The following PLCB2 variants were observed in gnomAD, a reference collection of about 807,000 sequenced individuals.
PLCB2 encodes 1-phosphatidylinositol 4,5-bisphosphate phosphodiesterase beta-2.
In PLCB2, 115 loss-of-function variants were observed where a neutral mutation model predicts 141.7. The ratio of observed to expected loss-of-function variants is 0.81; its 90% CI spans 0.70 to 0.95. PLCB2 has a LOEUF of 0.95. Among genes scored for constraint, PLCB2 ranks in the 40% least tolerant of loss-of-function variants. The pLI is 0.00. For synonymous variants in PLCB2, 603 were observed against 595.6 expected, an observed-to-expected ratio of 1.01 and a Z score of -0.18; for missense variants, 1,403 against 1,541.1, an observed-to-expected ratio of 0.91 and a Z score of 1.50.
chr15:40,303,110 C>T (rs529255444), intron 3 of PLCB2, among the ~76,000 whole-genome samples, 178 bp downstream of exon 3: 211 of 152,330 alleles, frequency 1.4e-3, no homozygotes, highest in African/African-American at 4.6e-3. Flanking sequence ...AGAGCCCAGG[C>T]GAGCCCAGGA....
At chr15:40,296,420 G>T (rs751436647) in intron 15 of PLCB2, 28 bp from the exon 16 acceptor site, 1 of 1,613,698 alleles carries the variant, frequency 6.2e-7, no homozygotes, top group Non-Finnish European at 8.5e-7. Flanking sequence ...GGGCAAAGAA[G>T]AGGAGGATGG....
Position 40,291,397 on chromosome 15 carries a change from T to G in PLCB2, c.2738A>C (p.Glu913Ala), listed in dbSNP as rs2039912580. ...CTCCCAGCGCCGCGCTCCGCGCCGC[T>G]CCAACTCTCGCAGCTCCTTCTCGTG... ...RRHEKELREL[E>A]RRGARRWEEL... Residue 913 changes from glutamate to alanine, a missense_variant, in exon 26 of 32, where the codon GAG becomes GCG. This residue lies in a region of PLCB2 where 290 missense variants were observed against 245.9 expected (regional missense o/e 1.18). Coordinates refer to ENST00000260402, the MANE Select transcript of PLCB2 (RefSeq NM_004573.3). 2.0e-6 allele frequency: 3 copies of G among 1,535,556 alleles called. No homozygotes were observed. The highest frequency in any genetic ancestry group is 2.0e-5 in the Admixed American group (1 of 51,008).
downstream of PLCB2, chr15:40,286,124 C>T: frequency 2.6e-6 from 2 of 780,526 alleles, no homozygotes; most frequent in Non-Finnish European, 3.1e-6. Context: ...GACTTTGCTG[C>T]AGAGCACAGA....
intron 1 of PLCB2, 110 bp downstream of exon 1, chr15:40,307,479 C>T (rs919602386): frequency 2.1e-5 from 13 of 611,396 alleles, no homozygotes; most frequent in South Asian, 7.3e-5. Context: ...ACCACACAGG[C>T]GCCTGGATCC....
chr15:40,298,124 T>C (rs377172020), intron 11 of PLCB2, 99 bp downstream of exon 11: 19 of 1,353,686 alleles, frequency 1.4e-5, no homozygotes, highest in East Asian at 1.2e-4. Flanking sequence ...CTTCCAGCCA[T>C]TCATCTTCTC....
chr15:40,287,636 G>A (rs956224687), downstream of PLCB2, among the ~76,000 whole-genome samples: 3 of 152,158 alleles, frequency 2.0e-5, no homozygotes, highest in African/African-American at 4.8e-5. Context: ...CTCCAACCCC[G>A]AGAGTGGAGA....
chr15:40,292,215 C>G, intron 22 of PLCB2, 57 bp from the exon 23 acceptor site: 2 of 1,539,840 alleles, frequency 1.3e-6, no homozygotes, highest in Non-Finnish European at 1.8e-6. Flanking sequence ...GGCTGGAAGT[C>G]TCCCCTGTCC....
rs1212133092 is a variant in PLCB2, at chr15:40,298,862, T to C, written c.786A>G (p.Ala262=). 1.2e-6 allele frequency: 2 copies of C among 1,613,518 alleles called. No individual in the cohort carries two copies. The highest frequency in any genetic ancestry group is 1.7e-5 in the Admixed American group (1 of 60,032). Reference sequence around the variant, plus strand: ...TGAGGCCCTGCACCTGGTCAGGCCGTGCTGGCGGGAACAGCAGGGAGTTAA... The same window carrying C: ...TGAGGCCCTGCACCTGGTCAGGCCGCGCTGGCGGGAACAGCAGGGAGTTAA... ...SRLNSLLFPP[A]RPDQVQGLID... Residue 262 remains alanine (A), a synonymous_variant, in exon 9 of 32, where the codon GCA becomes GCG. Transcript: ENST00000260402.
Position 40,288,422 on chromosome 15 carries a change from C to T in PLCB2, c.*293G>A. 2 of 1,146,268 alleles carry T rather than the reference C, an allele frequency of 1.7e-6. No individual in the cohort carries two copies. Among genetic ancestry groups the T allele is most frequent in the Non-Finnish European group, 2.1e-6 (2 of 932,302 alleles). The allele number at this position is 1,146,268 out of a possible 1,614,324, so 71.0% of individuals were successfully genotyped here. On this transcript the variant is annotated 3_prime_UTR_variant, in exon 32 of 32. Transcript: ENST00000260402. ...GGCCAGGATCCCACTTTCTGCCTTC[C>T]AGTCCATAGTCTTTTGCCCTCAACA...
Position 40,296,749 on chromosome 15 carries a change from T to C in PLCB2, c.1483A>G (p.Thr495Ala), listed in dbSNP as rs2040243256. Reference sequence around the variant, plus strand: ...ACCATAGTCCTCCCCGACTCACCTGTGCCCTCACCTGCAGGGGCACTGGGT... The same window carrying C: ...ACCATAGTCCTCCCCGACTCACCTGCGCCCTCACCTGCAGGGGCACTGGGT... ...SPPSAPAGEG[T>A]VWAGEEGTEL... is the part of the protein sequence containing the mutation. The change falls in exon 14 of 32, where the codon ACA (threonine) becomes GCA (alanine). Residue 495 changes from threonine (T) to alanine (A), a missense_variant. Thr to Ala is a moderately conservative substitution (Grantham distance 58). Around this residue, in one of 4 missense-constraint regions of PLCB2, gnomAD observed 975 missense variants for 1,141.1 expected, o/e 0.85. Transcript: ENST00000260402. 1 of 1,613,074 alleles carries C rather than the reference T, an allele frequency of 6.2e-7. No individual in the cohort carries two copies. Among genetic ancestry groups the C allele is most frequent in the African/African-American group, 1.3e-5 (1 of 75,016 alleles).
At chr15:40,291,684 C>G (rs755169458) in intron 24 of PLCB2, 34 bp from the exon 25 acceptor site, 1 of 1,610,504 alleles carries the variant, frequency 6.2e-7, no homozygotes. Flanking sequence ...GTCAGGTGCT[C>G]TGGGGGGCCC....
In PLCB2 at chr15:40,299,152, T is replaced by C. The variant is rs766903252; in HGVS notation, c.659A>G (p.Glu220Gly). 1.2e-6 allele frequency: 2 copies of C among 1,613,498 alleles called. No homozygotes were observed. Among genetic ancestry groups the C allele is most frequent in the Non-Finnish European group, 1.7e-6 (2 of 1,179,494 alleles). The change falls in exon 8 of 32, where the codon GAA (glutamate) becomes GGA (glycine). Residue 220 changes from glutamate to glycine, a missense_variant. Around this residue, in one of 4 missense-constraint regions of PLCB2, gnomAD observed 975 missense variants for 1,141.1 expected, o/e 0.85. Coordinates refer to ENST00000260402, the MANE Select transcript of PLCB2 (RefSeq NM_004573.3). Reference protein sequence around the residue: ...SFLMSLCPRPEIDEIFTSYHA... With the variant: ...SFLMSLCPRPGIDEIFTSYHA... The stretch of plus-strand genomic sequence containing the variant: ...CTAAGAAGTGAAGATCTCATCTATT[T>C]CTGGCCGAGGACAGAGGCTCATGAG...
rs1436319974 is a variant in PLCB2, at chr15:40,288,825, AGCAGGTCCTGAG to A, written c.3436_3447del (p.Leu1146_Cys1149del). The A allele has an allele frequency of 4.3e-6, 7 of 1,613,838 alleles. No homozygotes were observed. In the African/African-American group the frequency reaches 8.0e-5, roughly 18 times the overall value. On this transcript the variant is annotated inframe_deletion, in exon 32 of 32. Transcript: ENST00000260402. ...GGCTTGTCCTTGGCCTCGGAGGGAA[AGCAGGTCCTGAG>A]GCAGGCCCTCACCGACTCCTTCACC...
chr15:40,291,759 A>G (rs1452336249), intron 24 of PLCB2, 90 bp downstream of exon 24: 43 of 1,605,032 alleles, frequency 2.7e-5, no homozygotes, highest in Non-Finnish European at 3.7e-5. Context: ...CCTGCCCCGC[A>G]CTTTCCCTAG....
In PLCB2 at chr15:40,294,763, A is replaced by C. The variant is rs374636758; in HGVS notation, c.1906+173T>G. Among the ~76,000 whole-genome samples, 9 of 152,302 alleles carry C rather than the reference A, an allele frequency of 5.9e-5. No homozygotes were observed. In the East Asian group the frequency reaches 1.2e-3, roughly 20 times the overall value. On this transcript the variant is annotated intron_variant, in intron 18 of 31. Coordinates refer to ENST00000260402, the MANE Select transcript of PLCB2 (RefSeq NM_004573.3). ...ACATCCATCATGTATGCGCAGGCAC[A>C]TGGGCACAGGCTAATGCATTTCTAC...
chr15:40,305,831 A>G (rs544611490), intron 1 of PLCB2, among the ~76,000 whole-genome samples: 2 of 152,262 alleles, frequency 1.3e-5, no homozygotes, highest in East Asian at 1.9e-4. Context: ...CCTATAGCTC[A>G]TGCCTAGAGG....
chr15:40,288,426 C>G lies in PLCB2; in HGVS notation c.*289G>C, dbSNP rs1302894313. ...AGGATCCCACTTTCTGCCTTCCAGTCCATAGTCTTTTGCCCTCAACAAATA... is the reference window on the plus strand; with the variant it reads ...AGGATCCCACTTTCTGCCTTCCAGTGCATAGTCTTTTGCCCTCAACAAATA... On this transcript the variant is annotated 3_prime_UTR_variant, in exon 32 of 32. Coordinates refer to ENST00000260402, the MANE Select transcript of PLCB2 (RefSeq NM_004573.3). 8.6e-7 allele frequency: 1 copy of G among 1,161,766 alleles called. No homozygotes were observed. Among genetic ancestry groups the G allele is most frequent in the African/African-American group, 1.6e-5 (1 of 63,366 alleles). 72.0% of individuals were successfully genotyped at this position (1,161,766 alleles called of 1,614,324 possible).
In PLCB2 at chr15:40,291,329, G is replaced by A. The variant is rs1423710592; in HGVS notation, c.2806C>T (p.Pro936Ser). ...GCCCCGACGCCCCCCACGCCCGGTG[G>A]CCCGAGCTCCGCCAGCTGCGCCGCG... ...RGAAQLAELG[P>S]PGVGGVGACK... The change falls in exon 26 of 32, where the codon CCA becomes TCA. Residue 936 changes from proline to serine, a missense_variant. By Grantham distance (74) the Pro-to-Ser change is moderately conservative. Coordinates refer to ENST00000260402, the MANE Select transcript of PLCB2 (RefSeq NM_004573.3). The A allele has an allele frequency of 2.0e-6, 3 of 1,533,020 alleles. No individual in the cohort carries two copies. The highest frequency in any genetic ancestry group is 2.6e-6 in the Non-Finnish European group (3 of 1,147,604). The allele number at this position is 1,533,020 out of a possible 1,614,324, so 95.0% of individuals were successfully genotyped here.
chr15:40,301,930 G>A (rs1327195400), intron 7 of PLCB2, 27 bp downstream of exon 7: 1 of 1,603,480 alleles, frequency 6.2e-7, no homozygotes, highest in South Asian at 1.1e-5. Context: ...AATGCTGGGG[G>A]ATGGGCAGGG....
Sources: gnomAD v4.1 joint callset for allele counts (sites outside exome capture counted in the v4.1 genomes callset) on GRCh38, gnomAD v4.1.1 for gene constraint, gnomAD v4.1.1 regional missense constraint, MANE v1.5 for transcripts, NCBI Gene and HGNC (gene_info 2026-07-23, HGNC 2026-07-21) for gene names.